Variants in FSD2 observed in about 807,000 individuals in gnomAD.
The protein encoded by FSD2 is fibronectin type III and SPRY domain-containing protein 2.
FSD2 carries 71 observed loss-of-function variants against 80.4 expected under a neutral mutation model. The ratio of observed to expected loss-of-function variants is 0.88; its 90% CI spans 0.73 to 1.08. The LOEUF (loss-of-function observed/expected upper bound fraction) is 1.08. Among genes scored for constraint, FSD2 ranks in the 50% least tolerant of loss-of-function variants. The probability of loss-of-function intolerance (pLI) is 0.00; values close to 1 mark genes in which losing one functional copy is unlikely to be tolerated. For missense variants in FSD2, 923 were observed against 913.8 expected, an observed-to-expected ratio of 1.01 and a Z score of -0.13; for synonymous variants, 361 against 329.5, an observed-to-expected ratio of 1.10 and a Z score of -1.03.
At chr15:82,800,248 T>G (rs2151543079) in intron 1 of FSD2, among the ~76,000 whole-genome samples, 1 of 152,260 alleles carries the variant, frequency 6.6e-6, no homozygotes, top group Admixed American at 6.5e-5. Context: ...CCTCCAAGTT[T>G]TGTCCTGCAA....
chr15:82,765,166 C>T lies in FSD2; in HGVS notation c.1820G>A (p.Arg607Lys). The T allele has an allele frequency of 6.3e-7, 1 of 1,594,054 alleles. No individual in the cohort carries two copies. The highest frequency in any genetic ancestry group is 8.6e-7 in the Non-Finnish European group (1 of 1,169,344). Residue 607 changes from arginine (R) to lysine (K), a missense_variant and splice_region_variant, in exon 11 of 13, where the codon AGG (arginine) becomes AAG (lysine). Physicochemically the swap from Arg to Lys is conservative, Grantham distance 26. Transcript: ENST00000334574. Reference sequence around the variant, plus strand: ...CCCTTGTGAGCGGTTGACAAAGTACCTGGTGAAGTGAGTGTCGCTGGGTGA... The same window carrying T: ...CCCTTGTGAGCGGTTGACAAAGTACTTGGTGAAGTGAGTGTCGCTGGGTGA... ...ELSPSDTHFT[R>K]CVAVMGNLIP...
At chr15:82,793,552 T>A (rs2050197197) in intron 1 of FSD2, among the ~76,000 whole-genome samples, 1 of 152,220 alleles carries the variant, frequency 6.6e-6, no homozygotes, top group Non-Finnish European at 1.5e-5. Flanking sequence ...ACAGTGAAGA[T>A]GGCTTTCCAG....
intron 3 of FSD2, among the ~76,000 whole-genome samples, chr15:82,785,100 GA>G (rs1386692980): frequency 6.6e-6 from 1 of 151,958 alleles, no homozygotes; most frequent in Non-Finnish European, 1.5e-5. Flanking sequence ...ATGACTAGTG[GA>G]CAAAAGTTAC....
In FSD2 at chr15:82,759,225, A is replaced by T; in HGVS notation, c.*123T>A. 1 of 1,056,928 alleles carries T rather than the reference A, an allele frequency of 9.5e-7. No homozygotes were observed. Among genetic ancestry groups the T allele is most frequent in the Non-Finnish European group, 1.3e-6 (1 of 747,728 alleles). The allele number at this position is 1,056,928 out of a possible 1,614,324, so 65.5% of individuals were successfully genotyped here. A position where few individuals can be genotyped will look rare whatever the true frequency, so the allele number is the denominator to read the frequency against. On this transcript the variant is annotated 3_prime_UTR_variant, in exon 13 of 13. Transcript: ENST00000334574. ...ATGAGCGCTAGCACACCAGTCAGAT[A>T]ATAGCATGAGCCATAAATTGTGCTG...
chr15:82,781,924 C>T (rs1398870045), intron 4 of FSD2, among the ~76,000 whole-genome samples: 7 of 150,734 alleles, frequency 4.6e-5, no homozygotes, highest in African/African-American at 7.3e-5. Context: ...ATTAGCTGGG[C>T]GTGGTGGCGG....
intron 12 of FSD2, among the ~76,000 whole-genome samples, chr15:82,760,722 CACGTGTGT>C (rs1301592616): frequency 2.5e-5 from 3 of 119,080 alleles, no homozygotes; most frequent in South Asian, 2.6e-4. Flanking sequence ...AACGTGTGTG[CACGTGTGT>C]GCGTGCACGC....
In FSD2 at chr15:82,778,822, T is replaced by C; in HGVS notation, c.1055A>G (p.Gln352Arg). Residue 352 changes from glutamine to arginine, a missense_variant, in exon 6 of 13, where the codon CAG becomes CGG. Transcript: ENST00000334574. ...EISAQPEFEDQTLDFSDVEQL... is the reference protein window; with the variant it reads ...EISAQPEFEDRTLDFSDVEQL... ...CTCCACATCAGAGAAATCCAAGGTC[T>C]GGTCTTCAAACTCAGGCTGTGCAGA... 6.2e-7 allele frequency: 1 copy of C among 1,613,964 alleles called. No individual in the cohort carries two copies. Among genetic ancestry groups the C allele is most frequent in the African/African-American group, 1.3e-5 (1 of 75,050 alleles).
At chr15:82,769,340 C>A (rs1439060134) in intron 8 of FSD2, among the ~76,000 whole-genome samples, 1 of 151,604 alleles carries the variant, frequency 6.6e-6, no homozygotes, top group Non-Finnish European at 1.5e-5. Context: ...GAGGCCGAGG[C>A]GGGTGGATCA....
In FSD2 at chr15:82,759,370, G is replaced by A; in HGVS notation, c.2228C>T (p.Pro743Leu). The A allele has an allele frequency of 1.2e-6, 2 of 1,613,302 alleles. No individual in the cohort carries two copies. The highest frequency in any genetic ancestry group is 4.5e-5 in the East Asian group (2 of 44,880). ...CLKVHNGISM[P>L]KHVTFY ...GTTCTAATAGAAAGTGACATGTTTT[G>A]GCATTGAAATGCCATTATGTACCTT... Residue 743 changes from proline (P) to leucine (L), a missense_variant, in exon 13 of 13, where the codon CCA becomes CTA. Pro to Leu is a moderately conservative substitution (Grantham distance 98). Coordinates refer to ENST00000334574, the MANE Select transcript of FSD2 (RefSeq NM_001007122.4).
chr15:82,771,200 G>A (rs1309864851), intron 7 of FSD2, among the ~76,000 whole-genome samples: 2 of 152,204 alleles, frequency 1.3e-5, no homozygotes, highest in East Asian at 3.8e-4. Context: ...GAGGCAGGAC[G>A]CCTACACACC....
rs749645253 is a variant in FSD2 at position 82,759,550 on chromosome 15, GTTATTC to G, written c.2042_2047del (p.Arg681_Ile682del). 5.6e-6 allele frequency: 9 copies of G among 1,604,602 alleles called. No individual in the cohort carries two copies. The highest frequency in any genetic ancestry group is 4.5e-5 in the East Asian group (2 of 44,764). On this transcript the variant is annotated inframe_deletion, in exon 13 of 13. Coordinates refer to ENST00000334574, the MANE Select transcript of FSD2 (RefSeq NM_001007122.4). ...AATGCCAATCTTCTTTGGTGGAACT[GTTATTC>G]TTATATCTGGAGTTGTTCTGTTGTG...
chr15:82,802,524 G>C (rs1001150831), intron 1 of FSD2, among the ~76,000 whole-genome samples: 1 of 152,116 alleles, frequency 6.6e-6, no homozygotes, highest in Non-Finnish European at 1.5e-5. Context: ...TACCCACATT[G>C]CATAGAAATA....
chr15:82,780,047 C>T (rs1208595390), intron 5 of FSD2, among the ~76,000 whole-genome samples, 198 bp downstream of exon 5: 1 of 152,106 alleles, frequency 6.6e-6, no homozygotes, highest in Non-Finnish European at 1.5e-5. Context: ...ACGCTCCCTA[C>T]TAGCCCTGAG....
At chr15:82,773,625 G>C (rs1028367251) in intron 6 of FSD2, among the ~76,000 whole-genome samples, 2 of 152,158 alleles carry the variant, frequency 1.3e-5, no homozygotes, top group Admixed American at 6.6e-5. Context: ...ACCATTCCTA[G>C]ATGGGGAAAA....
At chr15:82,791,660 C>T (rs2050155094) in intron 1 of FSD2, among the ~76,000 whole-genome samples, 1 of 152,188 alleles carries the variant, frequency 6.6e-6, no homozygotes, top group Non-Finnish European at 1.5e-5. Flanking sequence ...GAGTGAGCCA[C>T]TGCGCCCGGC....
At chr15:82,788,516 A>G (rs1316054602) in intron 1 of FSD2, among the ~76,000 whole-genome samples, 1 of 151,544 alleles carries the variant, frequency 6.6e-6, no homozygotes, top group Non-Finnish European at 1.5e-5. Context: ...AAAAAAAAAA[A>G]AAAAAAAAAA....
chr15:82,782,787 T>C lies in FSD2; in HGVS notation c.966+8A>G. ...ATGTTCATTATTTCATTTTGTTTCA[T>C]TACTGACCTTTATGAAATCCACCTT... On this transcript the variant is annotated splice_region_variant and intron_variant, in intron 4 of 12. Coordinates refer to ENST00000334574, the MANE Select transcript of FSD2 (RefSeq NM_001007122.4). 6.3e-7 allele frequency: 1 copy of C among 1,581,330 alleles called. No individual in the cohort carries two copies. The highest frequency in any genetic ancestry group is 8.6e-7 in the Non-Finnish European group (1 of 1,156,942).
rs1229051353 is a variant in FSD2 at position 82,759,568 on chromosome 15, G to A, written c.2030C>T (p.Thr677Ile). ...HKYEFLHNRT[T>I]PDIRITVPPK... The stretch of plus-strand genomic sequence containing the variant: ...TGGAACTGTTATTCTTATATCTGGA[G>A]TTGTTCTGTTGTGCAGAAATTCATA... Residue 677 changes from threonine to isoleucine, a missense_variant, in exon 13 of 13, where the codon ACT (threonine) becomes ATT (isoleucine). Transcript: ENST00000334574. 6.3e-7 allele frequency: 1 copy of A among 1,595,730 alleles called. No individual in the cohort carries two copies. The highest frequency in any genetic ancestry group is 1.3e-5 in the African/African-American group (1 of 74,710).
chr15:82,777,163 G>T (rs1473474267), intron 6 of FSD2, among the ~76,000 whole-genome samples: 1 of 152,126 alleles, frequency 6.6e-6, no homozygotes, highest in Non-Finnish European at 1.5e-5. Flanking sequence ...ATTGGTCTTG[G>T]CAATGATTTC....
Sources: gnomAD v4.1 joint callset for allele counts (sites outside exome capture counted in the v4.1 genomes callset) on GRCh38, gnomAD v4.1.1 for gene constraint, MANE v1.5 for transcripts, NCBI Gene and HGNC (gene_info 2026-07-23, HGNC 2026-07-21) for gene names.